The following SYNE1 variants were observed in gnomAD, a reference collection of about 807,000 sequenced individuals.
SYNE1 encodes the protein nesprin-1.
Under a neutral mutation model 1,111.0 loss-of-function variants are expected in SYNE1, and 616 were observed. That is an observed-to-expected ratio of 0.55 (90% CI 0.52 to 0.59). The LOEUF is 0.59. Among genes scored for constraint, SYNE1 ranks in the 20% least tolerant of loss-of-function variants. SYNE1 has a pLI of 0.00. For synonymous variants in SYNE1, 3,855 were observed against 3,825.8 expected (o/e 1.01, Z -0.28); for missense variants, 10,006 against 10,417.0 (o/e 0.96, Z 1.72).
At chr6:152,258,918 T>C (rs573053973) in intron 101 of SYNE1, among the ~76,000 whole-genome samples, 1 of 152,142 alleles carries the variant, frequency 6.6e-6, no homozygotes, top group South Asian at 2.1e-4. Context: ...CTAATTTTTG[T>C]ATTTTTAGTA....
intron 99 of SYNE1, 105 bp downstream of exon 99, chr6:152,269,050 C>T: frequency 6.5e-7 from 1 of 1,535,584 alleles, no homozygotes; most frequent in Non-Finnish European, 8.9e-7. Context: ...TAAAGAGACA[C>T]TCTGTCTTTA....
At chr6:152,540,251 C>T (rs1222402991) in intron 3 of SYNE1, among the ~76,000 whole-genome samples, 1 of 152,062 alleles carries the variant, frequency 6.6e-6, no homozygotes, top group African/African-American at 2.4e-5. Flanking sequence ...TTTGTTAGCC[C>T]TATGTTTACC....
At chr6:152,442,363 G>A (rs1481265890) in intron 30 of SYNE1, 118 bp from the exon 31 acceptor site, 16 of 1,203,868 alleles carry the variant, frequency 1.3e-5, no homozygotes, top group Non-Finnish European at 1.8e-5. Context: ...GTATTTTAAA[G>A]CTAAGATTAA....
chr6:152,488,386 C>T lies in SYNE1; in HGVS notation c.1047+10G>A, dbSNP rs745682126. 8.1e-6 allele frequency: 12 copies of T among 1,476,208 alleles called. No homozygotes were observed. Among genetic ancestry groups the T allele is most frequent in the Non-Finnish European group, 1.0e-5 (11 of 1,059,124 alleles). The allele number at this position is 1,476,208 out of a possible 1,614,324, so 91.4% of individuals were successfully genotyped here. A position where few individuals can be genotyped will look rare whatever the true frequency, so the allele number is the denominator to read the frequency against. On this transcript the variant is annotated intron_variant, in intron 12 of 145. Transcript: ENST00000367255. ...TTTTGAAAAATTCAAAAATCTTCTC[C>T]ATACAATACCTGATATTTATCCTGT...
chr6:152,312,964 T>G (rs1227590324), intron 87 of SYNE1, among the ~76,000 whole-genome samples: 1 of 152,088 alleles, frequency 6.6e-6, no homozygotes, highest in African/African-American at 2.4e-5. Context: ...GCAAGTTTAT[T>G]AAGAAAGTAA....
chr6:152,453,128 A>G (rs1288271743), intron 25 of SYNE1, among the ~76,000 whole-genome samples: 1 of 152,164 alleles, frequency 6.6e-6, no homozygotes, highest in Non-Finnish European at 1.5e-5. Flanking sequence ...TGCTTTGTTC[A>G]TCATTGAATT....
intron 20 of SYNE1, 174 bp downstream of exon 20, chr6:152,462,564 G>T: frequency 1.5e-6 from 1 of 685,284 alleles, no homozygotes; most frequent in Non-Finnish European, 2.5e-6. Flanking sequence ...ATCAAGTCAT[G>T]TCTTTTTTAT....
At chr6:152,432,713 G>A (rs1045839523) in intron 34 of SYNE1, among the ~76,000 whole-genome samples, 1 of 152,068 alleles carries the variant, frequency 6.6e-6, no homozygotes, top group African/African-American at 2.4e-5. Context: ...ACATTTTTGA[G>A]ACAAAACTAT....
intron 45 of SYNE1, among the ~76,000 whole-genome samples, chr6:152,406,777 A>G (rs1342927572): frequency 6.6e-6 from 1 of 152,124 alleles, no homozygotes; most frequent in East Asian, 1.9e-4. Context: ...CTGAGGCAGG[A>G]GAATCGCTTG....
intron 49 of SYNE1, among the ~76,000 whole-genome samples, chr6:152,397,994 C>T (rs1480292704): frequency 1.3e-5 from 2 of 148,738 alleles, no homozygotes; most frequent in African/African-American, 5.0e-5. Context: ...GAGCAAGACT[C>T]CATCTCAAAA....
At chr6:152,437,944 A>G (rs116961812) in intron 32 of SYNE1, among the ~76,000 whole-genome samples, 2,624 of 152,286 alleles carry the variant, frequency 0.017, 34 homozygotes, top group Non-Finnish European at 0.028. Context: ...AGTTCGGCCA[A>G]CAAATATCAG....
intron 3 of SYNE1, among the ~76,000 whole-genome samples, chr6:152,592,283 C>T (rs752123101): frequency 9.9e-5 from 15 of 152,086 alleles, no homozygotes; most frequent in African/African-American, 1.4e-4. Context: ...CTTGCTGTAC[C>T]ATTCACAATA....
At position 152,336,716 on chromosome 6, in the gene SYNE1, G is replaced by A. The variant is rs764355577; in HGVS notation, c.12528+125C>T. Reference sequence around the variant, plus strand: ...GGGGCTTGGGGACCTCTGCCTTAAAGAGTTGTATTAATGTCTAAGGATTGA... The same window carrying A: ...GGGGCTTGGGGACCTCTGCCTTAAAAAGTTGTATTAATGTCTAAGGATTGA... On this transcript the variant is annotated intron_variant, in intron 76 of 145. Coordinates refer to ENST00000367255, the MANE Select transcript of SYNE1 (RefSeq NM_182961.4). 4 of 1,274,778 alleles carry A rather than the reference G, an allele frequency of 3.1e-6. No homozygotes were observed. In the Admixed American group the frequency reaches 7.0e-5, roughly 22 times the overall value. 79.0% of individuals were successfully genotyped at this position (1,274,778 alleles called of 1,614,324 possible).
intron 128 of SYNE1, chr6:152,185,265 T>C (rs2069508963): frequency 6.6e-6 from 1 of 152,276 alleles, no homozygotes; most frequent in South Asian, 2.1e-4. Flanking sequence ...CCCTGCAATG[T>C]TTACTCACGG....
intron 140 of SYNE1, among the ~76,000 whole-genome samples, chr6:152,138,581 A>C (rs1385091716): frequency 6.6e-6 from 1 of 151,858 alleles, no homozygotes; most frequent in Non-Finnish European, 1.5e-5. Context: ...TCACACAATC[A>C]CTAAAAGCAA....
chr6:152,277,554 C>G (rs987006132), intron 98 of SYNE1: 9 of 162,574 alleles, frequency 5.5e-5, no homozygotes, highest in Non-Finnish European at 1.1e-4. Context: ...TCCCAAAGTG[C>G]TGGGATTACA....
At chr6:152,436,769 G>C (rs1160078881) in intron 32 of SYNE1, among the ~76,000 whole-genome samples, 2 of 152,092 alleles carry the variant, frequency 1.3e-5, no homozygotes, top group Admixed American at 1.3e-4. Flanking sequence ...TTACAGGCCA[G>C]TTCACAAAAT....
chr6:152,215,380 T>C (rs1197347895), intron 121 of SYNE1, among the ~76,000 whole-genome samples: 1 of 152,024 alleles, frequency 6.6e-6, no homozygotes, highest in Non-Finnish European at 1.5e-5. Context: ...ATTATTTACT[T>C]TATTTACACG....
chr6:152,135,060 C>G, intron 142 of SYNE1, 44 bp downstream of exon 142: 1 of 1,613,528 alleles, frequency 6.2e-7, no homozygotes, highest in Non-Finnish European at 8.5e-7. Flanking sequence ...GAAATGCAAC[C>G]CTGCTAAAAA....
Sources: gnomAD v4.1 joint callset for allele counts (sites outside exome capture counted in the v4.1 genomes callset) on GRCh38, gnomAD v4.1.1 for gene constraint, MANE v1.5 for transcripts, NCBI Gene and HGNC (gene_info 2026-07-23, HGNC 2026-07-21) for gene names.